The following ZCWPW2 variants were observed in gnomAD, a reference collection of about 807,000 sequenced individuals.
The protein encoded by ZCWPW2 is zinc finger CW-type PWWP domain protein 2.
In ZCWPW2, 45 loss-of-function variants were observed where a neutral mutation model predicts 46.6. The ratio of observed to expected loss-of-function variants is 0.96; its 90% CI spans 0.76 to 1.24. The LOEUF is 1.24. ZCWPW2 is among the 50% of genes most tolerant of loss of function. The pLI is 0.00. For synonymous variants in ZCWPW2, 152 were observed against 137.1 expected (o/e 1.11, Z -0.76); for missense variants, 429 against 403.9 (o/e 1.06, Z -0.53).
At chr3:28,522,335 A>C (rs1429793877) in intron 9 of ZCWPW2, among the ~76,000 whole-genome samples, 2 of 152,188 alleles carry the variant, frequency 1.3e-5, no homozygotes, top group African/African-American at 4.8e-5. Context: ...ATTATTAAAG[A>C]CTGAAAATTG....
intron 4 of ZCWPW2, among the ~76,000 whole-genome samples, chr3:28,475,221 G>C (rs371510596): frequency 9.2e-5 from 14 of 152,138 alleles, no homozygotes; most frequent in African/African-American, 2.9e-4. Flanking sequence ...CCATCCTTTT[G>C]CCCGCTGAGT....
At chr3:28,358,731 C>T (rs1187968584) in intron 1 of ZCWPW2, among the ~76,000 whole-genome samples, 6 of 152,004 alleles carry the variant, frequency 3.9e-5, no homozygotes, top group African/African-American at 1.2e-4. Flanking sequence ...GGTTTTTCTC[C>T]ATAGACCATC....
At chr3:28,370,902 T>C (rs1705310821) in intron 1 of ZCWPW2, among the ~76,000 whole-genome samples, 1 of 152,052 alleles carries the variant, frequency 6.6e-6, no homozygotes, top group Non-Finnish European at 1.5e-5. Context: ...CCAGCTAATT[T>C]TGTATTTTTA....
intron 4 of ZCWPW2, among the ~76,000 whole-genome samples, chr3:28,450,014 AAC>A (rs1698162438): frequency 6.6e-6 from 1 of 152,212 alleles, no homozygotes; most frequent in South Asian, 2.1e-4. Flanking sequence ...CAGTAAGAAA[AAC>A]ACAGAAATGT....
intron 4 of ZCWPW2, among the ~76,000 whole-genome samples, chr3:28,461,292 C>T (rs998352370): frequency 6.6e-6 from 1 of 152,000 alleles, no homozygotes; most frequent in Non-Finnish European, 1.5e-5. Flanking sequence ...ATACTAAGAA[C>T]ATTTGATTGA....
intron 4 of ZCWPW2, among the ~76,000 whole-genome samples, chr3:28,442,066 C>T (rs1395870813): frequency 1.3e-5 from 2 of 152,218 alleles, no homozygotes; most frequent in African/African-American, 4.8e-5. Context: ...ACTGTTTGCA[C>T]AGCAGCCTGG....
chr3:28,469,712 G>GTATATATATATGATATATATGTGTA (rs1698966365), intron 4 of ZCWPW2, among the ~76,000 whole-genome samples: 5 of 150,910 alleles, frequency 3.3e-5, no homozygotes, highest in Admixed American at 6.6e-5. Context: ...GTATATGTGT[G>GTATATATATATGATATATATGTGTA]TATATATATA....
chr3:28,361,070 A>G (rs1704923475), intron 1 of ZCWPW2, among the ~76,000 whole-genome samples: 1 of 152,266 alleles, frequency 6.6e-6, no homozygotes, highest in Middle Eastern at 3.4e-3. Context: ...ATGTATCTTT[A>G]TGTATATACA....
At chr3:28,485,449 CT>C (rs1699568769) in intron 5 of ZCWPW2, among the ~76,000 whole-genome samples, 1 of 152,064 alleles carries the variant, frequency 6.6e-6, no homozygotes, top group African/African-American at 2.4e-5. Context: ...GCAACTGTGT[CT>C]TTTTGCTGGA....
At chr3:28,352,153 C>CG (rs1553627175) in intron 1 of ZCWPW2, among the ~76,000 whole-genome samples, 2 of 147,390 alleles carry the variant, frequency 1.4e-5, no homozygotes, top group African/African-American at 5.0e-5. Context: ...CACACACACA[C>CG]ACACACACAC....
chr3:28,390,362 A>G (rs1229015506), intron 1 of ZCWPW2, 136 bp from the exon 2 acceptor site: 1 of 652,794 alleles, frequency 1.5e-6, no homozygotes, highest in Non-Finnish European at 1.9e-6. Flanking sequence ...AAATTCCAAA[A>G]TTTCCTACCC....
chr3:28,510,520 T>G (rs1246986267), intron 6 of ZCWPW2, among the ~76,000 whole-genome samples: 1 of 152,222 alleles, frequency 6.6e-6, no homozygotes, highest in African/African-American at 2.4e-5. Context: ...CTTAATTTAC[T>G]TATCTTCACT....
chr3:28,475,122 G>A (rs1490163734), intron 4 of ZCWPW2, among the ~76,000 whole-genome samples: 13 of 151,988 alleles, frequency 8.6e-5, no homozygotes, highest in Admixed American at 8.5e-4. Context: ...AGGATTACAG[G>A]CATGAGCCAC....
chr3:28,506,507 C>T (rs1472592500), intron 6 of ZCWPW2, among the ~76,000 whole-genome samples: 4 of 152,014 alleles, frequency 2.6e-5, no homozygotes, highest in African/African-American at 4.8e-5. Context: ...GTAAATATTA[C>T]AGTATCTACC....
rs1015695886 is a variant in ZCWPW2, at chr3:28,413,260, T to G, written c.192T>G (p.Thr64=). ...AACCATGGTACTGCTTCATGAACAC[T>G]GATTCAAGATATAATAACTGCTCAA... is the stretch of plus-strand genomic sequence containing the variant. ...HDEPWYCFMN[T]DSRYNNCSIS... Residue 64 remains threonine, a synonymous_variant, in exon 3 of 10, where the codon ACT becomes ACG. Transcript: ENST00000383768. 10 of 1,613,254 alleles carry G rather than the reference T, an allele frequency of 6.2e-6. No homozygotes were observed. In the African/African-American group the frequency reaches 1.3e-4, roughly 22 times the overall value.
rs549219096 is a variant in ZCWPW2 at position 28,384,697 on chromosome 3, C to G, written c.-133-5801C>G. On this transcript the variant is annotated intron_variant, in intron 1 of 9. Coordinates refer to ENST00000383768, the MANE Select transcript of ZCWPW2 (RefSeq NM_001040432.4). ...GGACCATGTTGGCTCACTGCAACCT[C>G]CATCTCCTGGGTTCAAGCAATTCTT... Among the ~76,000 whole-genome samples the G allele has an allele frequency of 2.0e-5, 3 of 151,130 alleles. No individual in the cohort carries two copies. In the East Asian group the frequency reaches 5.9e-4, roughly 29 times the overall value.
chr3:28,522,437 G>A (rs781146926), intron 9 of ZCWPW2, among the ~76,000 whole-genome samples: 7 of 152,072 alleles, frequency 4.6e-5, no homozygotes, highest in Non-Finnish European at 8.8e-5. Context: ...TGCCTATCTC[G>A]AAGTCTGTCT....
chr3:28,363,039 CAG>C (rs1219467024), intron 1 of ZCWPW2, among the ~76,000 whole-genome samples: 1 of 127,994 alleles, frequency 7.8e-6, no homozygotes, highest in Admixed American at 1.0e-4. Flanking sequence ...AGGAGAACAA[CAG>C]ACGCTGGGGC....
intron 3 of ZCWPW2, among the ~76,000 whole-genome samples, chr3:28,430,651 A>G (rs539008686): frequency 6.6e-6 from 1 of 152,274 alleles, no homozygotes; most frequent in Non-Finnish European, 1.5e-5. Flanking sequence ...CTCATCTTGA[A>G]TTGTAATCTG....
Sources: gnomAD v4.1 joint callset for allele counts (sites outside exome capture counted in the v4.1 genomes callset) on GRCh38, gnomAD v4.1.1 for gene constraint, MANE v1.5 for transcripts, NCBI Gene and HGNC (gene_info 2026-07-23, HGNC 2026-07-21) for gene names.